Variants in ALDH9A1 observed in about 807,000 individuals in gnomAD.
The protein encoded by ALDH9A1 is aldehyde dehydrogenase 9 family member A1, also known as 4-trimethylaminobutyraldehyde dehydrogenase.
A neutral mutation model predicts 56.6 loss-of-function variants in ALDH9A1; 42 were observed. The observed-to-expected ratio is 0.74, with a 90% CI of 0.58 to 0.96. The LOEUF (loss-of-function observed/expected upper bound fraction) is 0.96, where lower values mean the gene tolerates loss of function less well. Among genes scored for constraint, ALDH9A1 ranks in the 40% least tolerant of loss-of-function variants. The pLI is 0.00. For synonymous variants in ALDH9A1, 242 were observed against 236.0 expected (o/e 1.03, Z -0.23); for missense variants, 661 against 651.5 (o/e 1.01, Z -0.16).
At position 165,696,596 on chromosome 1, in the gene ALDH9A1, T is replaced by C. The variant is rs182121647; in HGVS notation, c.182-1199A>G. Among the ~76,000 whole-genome samples the C allele has an allele frequency of 3.3e-3, 509 of 152,324 alleles. 4 individuals are homozygous for C. The highest frequency in any genetic ancestry group is 2.8e-3 in the Non-Finnish European group (192 of 68,028). On this transcript the variant is annotated intron_variant, in intron 1 of 10. Transcript: ENST00000354775. Reference sequence around the variant, plus strand: ...TCAAAAATTCCCAGATTTCCTTTTCTTATTCCACCTTTATTCCCTCTCCCT... The same window carrying C: ...TCAAAAATTCCCAGATTTCCTTTTCCTATTCCACCTTTATTCCCTCTCCCT...
At chr1:165,693,013 T>C (rs893023086) in intron 2 of ALDH9A1, among the ~76,000 whole-genome samples, 83 of 151,946 alleles carry the variant, frequency 5.5e-4, no homozygotes, top group South Asian at 1.2e-3. Flanking sequence ...GCTAGCCATA[T>C]GTAGAAAGCT....
At chr1:165,688,370 G>A (rs1336498223) in intron 2 of ALDH9A1, among the ~76,000 whole-genome samples, 1 of 152,128 alleles carries the variant, frequency 6.6e-6, no homozygotes, top group African/African-American at 2.4e-5. Context: ...TCTAGCAGAA[G>A]AGAAAATGAC....
At position 165,669,033 on chromosome 1, in the gene ALDH9A1, A is replaced by C; in HGVS notation, c.1120-20T>G. On this transcript the variant is annotated intron_variant, in intron 7 of 10. Transcript: ENST00000354775. ...AGCACCCTGCCGAAAAGGAAAAAAG[A>C]TATGTTGTATTAAAAATATAACCCC... The C allele has an allele frequency of 6.4e-7, 1 of 1,561,714 alleles. No homozygotes were observed. The highest frequency in any genetic ancestry group is 8.7e-7 in the Non-Finnish European group (1 of 1,149,754).
chr1:165,672,018 T>C (rs1649193371), intron 6 of ALDH9A1, among the ~76,000 whole-genome samples: 1 of 152,188 alleles, frequency 6.6e-6, no homozygotes, highest in Non-Finnish European at 1.5e-5. Context: ...CTTGTAGAAA[T>C]GTAAAATGGT....
At chr1:165,674,608 C>A (rs577275526) in intron 6 of ALDH9A1, among the ~76,000 whole-genome samples, 4 of 150,442 alleles carry the variant, frequency 2.7e-5, no homozygotes, top group Non-Finnish European at 4.4e-5. Flanking sequence ...ATCACTTGAA[C>A]CCAGGAGGCG....
At chr1:165,663,827 ACT>A (rs1648918333) in intron 10 of ALDH9A1, among the ~76,000 whole-genome samples, 1 of 152,128 alleles carries the variant, frequency 6.6e-6, no homozygotes. Context: ...GGAAAACCTC[ACT>A]CTGTCTTTTG....
intron 9 of ALDH9A1, among the ~76,000 whole-genome samples, chr1:165,665,643 A>G (rs1250253364): frequency 1.3e-5 from 2 of 152,234 alleles, no homozygotes; most frequent in Admixed American, 6.5e-5. Context: ...ATTTTGTGCT[A>G]CAAATAAGAC....
At chr1:165,666,754 T>C (rs1401094143) in intron 9 of ALDH9A1, among the ~76,000 whole-genome samples, 1 of 152,224 alleles carries the variant, frequency 6.6e-6, no homozygotes, top group African/African-American at 2.4e-5. Flanking sequence ...AAAGTTTGTA[T>C]AAAACCAAGC....
intron 6 of ALDH9A1, among the ~76,000 whole-genome samples, chr1:165,674,847 C>A (rs1314350618): frequency 6.6e-6 from 1 of 151,990 alleles, no homozygotes; most frequent in Admixed American, 6.6e-5. Flanking sequence ...AGGAAATAAC[C>A]CCATTGCCAG....
intron 6 of ALDH9A1, chr1:165,676,556 C>A: frequency 3.6e-6 from 1 of 274,636 alleles, no homozygotes; most frequent in Non-Finnish European, 7.0e-6. Flanking sequence ...GGGCAAAATT[C>A]TTGCCAAGAG....
intron 2 of ALDH9A1, among the ~76,000 whole-genome samples, chr1:165,690,372 C>A (rs1371037395): frequency 1.3e-5 from 2 of 151,948 alleles, no homozygotes; most frequent in Admixed American, 1.3e-4. Flanking sequence ...GTATTCTCTT[C>A]TGAATTTTCT....
At chr1:165,693,725 A>G (rs1339754667) in intron 2 of ALDH9A1, among the ~76,000 whole-genome samples, 1 of 152,222 alleles carries the variant, frequency 6.6e-6, no homozygotes. Flanking sequence ...GTATATACTC[A>G]AAGGATTATA....
In ALDH9A1 at chr1:165,683,004, G is replaced by A. The variant is rs367630015; in HGVS notation, c.434C>T (p.Ala145Val). The A allele has an allele frequency of 8.2e-5, 133 of 1,613,780 alleles. No individual in the cohort carries two copies. The highest frequency in any genetic ancestry group is 1.1e-4 in the Non-Finnish European group (128 of 1,179,924). ...DISWQCLEYY[A>V]GLAASMAGEH... ...ACCAGCCATGGATGCAGCCAAGCCC[G>A]CATAATACTCCAGGCACTGCCAGGA... Residue 145 changes from alanine (A) to valine (V), a missense_variant, in exon 3 of 11, where the codon GCG (alanine) becomes GTG (valine). By Grantham distance (64) the Ala-to-Val change is moderately conservative. Transcript: ENST00000354775.
chr1:165,670,646 TA>T (rs1324803130), intron 6 of ALDH9A1, among the ~76,000 whole-genome samples: 4 of 152,174 alleles, frequency 2.6e-5, no homozygotes, highest in Non-Finnish European at 1.5e-5. Flanking sequence ...TTACCTCAGA[TA>T]AAAGGCTATC....
At chr1:165,691,006 A>C (rs905655980) in intron 2 of ALDH9A1, among the ~76,000 whole-genome samples, 4 of 152,184 alleles carry the variant, frequency 2.6e-5, no homozygotes, top group African/African-American at 9.7e-5. Context: ...CTTTGAAAAG[A>C]GTAGTGGTTC....
Position 165,680,534 on chromosome 1 carries a change from C to G in ALDH9A1, c.742G>C (p.Asp248His). ...ATGQFLCQHP[D>H]VAKVSFTGSV... ...CCAGTGAAGGAGACTTTGGCCACATCGGGATGCTGACACAGAAACTGGCCT... is the reference window on the plus strand; with the variant it reads ...CCAGTGAAGGAGACTTTGGCCACATGGGGATGCTGACACAGAAACTGGCCT... The change falls in exon 5 of 11, where the codon GAT becomes CAT. Residue 248 changes from aspartate (D) to histidine (H), a missense_variant. By Grantham distance (81) the Asp-to-His change is moderately conservative (BLOSUM62 -1). Coordinates refer to ENST00000354775, the MANE Select transcript of ALDH9A1 (RefSeq NM_000696.4). The G allele has an allele frequency of 1.2e-6, 2 of 1,614,144 alleles. No homozygotes were observed.
Position 165,695,288 on chromosome 1 carries a change from A to G in ALDH9A1, c.291T>C (p.Arg97=), listed in dbSNP as rs774365589. 5.0e-6 allele frequency: 8 copies of G among 1,612,292 alleles called. No homozygotes were observed. In the Admixed American group the frequency reaches 1.0e-4, roughly 20 times the overall value. Residue 97 remains arginine, a synonymous_variant, in exon 2 of 11, where the codon CGT becomes CGC. Coordinates refer to ENST00000354775, the MANE Select transcript of ALDH9A1 (RefSeq NM_000696.4). Reference sequence around the variant, plus strand: ...TGGCAGCCTCCAAAAGGATTCGGCAACGCTCCATGCCAGATTTTTGACTCC... The same window carrying G: ...TGGCAGCCTCCAAAAGGATTCGGCAGCGCTCCATGCCAGATTTTTGACTCC... The part of the protein sequence containing the change: ...KIWSQKSGME[R]CRILLEAARI...
chr1:165,692,851 T>G (rs1401368038), intron 2 of ALDH9A1, among the ~76,000 whole-genome samples: 1 of 152,128 alleles, frequency 6.6e-6, no homozygotes, highest in African/African-American at 2.4e-5. Flanking sequence ...AGCATGGTAC[T>G]GGTACCAAAA....
intron 6 of ALDH9A1, among the ~76,000 whole-genome samples, chr1:165,678,845 T>A (rs1182564796): frequency 1.3e-5 from 2 of 152,186 alleles, no homozygotes; most frequent in Non-Finnish European, 2.9e-5. Flanking sequence ...ACAAAATGAA[T>A]GGCCTGTTCT....
Sources: gnomAD v4.1 joint callset for allele counts (sites outside exome capture counted in the v4.1 genomes callset) on GRCh38, gnomAD v4.1.1 for gene constraint, MANE v1.5 for transcripts, NCBI Gene and HGNC (gene_info 2026-07-23, HGNC 2026-07-21) for gene names.